The following SUCLG2 variants were observed in gnomAD, a reference collection of about 807,000 sequenced individuals.
SUCLG2 encodes succinate-CoA ligase GDP-forming subunit beta.
SUCLG2 carries 42 observed loss-of-function variants against 47.9 expected under a neutral mutation model. That is an observed-to-expected ratio of 0.88 (90% CI 0.69 to 1.14). The LOEUF (loss-of-function observed/expected upper bound fraction) is 1.14. Among genes scored for constraint, SUCLG2 ranks in the 50% most tolerant of loss-of-function variants. The probability of loss-of-function intolerance (pLI) is 0.00; values close to 1 mark genes in which losing one functional copy is unlikely to be tolerated. For synonymous variants in SUCLG2, 195 were observed against 197.3 expected, an observed-to-expected ratio of 0.99 and a Z score of 0.10; for missense variants, 571 against 525.9, an observed-to-expected ratio of 1.09 and a Z score of -0.84.
At chr3:67,587,620 T>G (rs1708057403) in intron 2 of SUCLG2, among the ~76,000 whole-genome samples, 1 of 152,216 alleles carries the variant, frequency 6.6e-6, no homozygotes, top group African/African-American at 2.4e-5. Flanking sequence ...TTACCACTTA[T>G]TTTTTGTGTT....
chr3:67,424,605 T>A (rs1703252024), intron 9 of SUCLG2, among the ~76,000 whole-genome samples: 2 of 152,202 alleles, frequency 1.3e-5, no homozygotes, highest in Non-Finnish European at 2.9e-5. Context: ...TGCCTCCTTT[T>A]CTTGGCTGTA....
intron 9 of SUCLG2, among the ~76,000 whole-genome samples, chr3:67,442,052 C>T (rs1019249804): frequency 6.7e-6 from 1 of 149,254 alleles, no homozygotes; most frequent in East Asian, 2.0e-4. Flanking sequence ...GCTCTGTCGC[C>T]CAGGCTGGAG....
At chr3:67,509,311 AAC>A (rs1333456622) in intron 6 of SUCLG2, among the ~76,000 whole-genome samples, 6 of 152,364 alleles carry the variant, frequency 3.9e-5, no homozygotes, top group Admixed American at 1.3e-4. Flanking sequence ...GCTGAAATAA[AAC>A]AGTTATTATA....
At chr3:67,379,814 T>G (rs1160503333) in intron 10 of SUCLG2, among the ~76,000 whole-genome samples, 1 of 152,244 alleles carries the variant, frequency 6.6e-6, no homozygotes, top group African/African-American at 2.4e-5. Flanking sequence ...CACCTCCCCA[T>G]GCCCCAACTA....
intron 9 of SUCLG2, among the ~76,000 whole-genome samples, chr3:67,461,402 A>G (rs2106958382): frequency 6.6e-6 from 1 of 152,290 alleles, no homozygotes; most frequent in African/African-American, 2.4e-5. Context: ...ATAAAATGTA[A>G]TTCGAATTCC....
intron 2 of SUCLG2, among the ~76,000 whole-genome samples, chr3:67,566,393 T>A (rs929591753): frequency 2.0e-5 from 3 of 152,186 alleles, no homozygotes. Flanking sequence ...ATATACCATG[T>A]TAATGTTAAA....
intron 2 of SUCLG2, among the ~76,000 whole-genome samples, chr3:67,575,539 C>T (rs1018193835): frequency 1.3e-5 from 2 of 152,100 alleles, no homozygotes; most frequent in African/African-American, 2.4e-5. Flanking sequence ...TGGCAATTAA[C>T]ATCAAACAGG....
At position 67,596,980 on chromosome 3, in the gene SUCLG2, A is replaced by G. The variant is rs899277868; in HGVS notation, c.226+12475T>C. 3.3e-5 allele frequency among the ~76,000 whole-genome samples: 5 copies of G among 152,340 alleles called. No individual in the cohort carries two copies. The East Asian group carries it at 9.7e-4, about 29-fold the overall frequency. On this transcript the variant is annotated intron_variant, in intron 2 of 10. Coordinates refer to ENST00000307227, the MANE Select transcript of SUCLG2 (RefSeq NM_003848.4). ...CTATAACTGAAAGTAGAGCTCATCAATGTAAACAGAACAAAAAGCCACTAT... is the reference window on the plus strand; with the variant it reads ...CTATAACTGAAAGTAGAGCTCATCAGTGTAAACAGAACAAAAAGCCACTAT...
intron 9 of SUCLG2, among the ~76,000 whole-genome samples, chr3:67,483,438 G>C (rs1445818436): frequency 6.6e-6 from 1 of 152,134 alleles, no homozygotes; most frequent in African/African-American, 2.4e-5. Flanking sequence ...GGTCTGCTTG[G>C]ACAAATCTAT....
At position 67,619,075 on chromosome 3, in the gene SUCLG2, A is replaced by C. The variant is rs115193904; in HGVS notation, c.85-9479T>G. On this transcript the variant is annotated intron_variant, in intron 1 of 10. Coordinates refer to ENST00000307227, the MANE Select transcript of SUCLG2 (RefSeq NM_003848.4). ...ATAAAATCATCTGTACTTCCAAAAA[A>C]GAATTGACAGTTGAGCTTTCAGATT... Among the ~76,000 whole-genome samples the C allele has an allele frequency of 4.2e-3, 641 of 152,368 alleles. 7 individuals are homozygous for C. The highest frequency in any genetic ancestry group is 0.014 in the African/African-American group (594 of 41,594).
At chr3:67,465,362 T>A (rs1704445351) in intron 9 of SUCLG2, among the ~76,000 whole-genome samples, 1 of 152,108 alleles carries the variant, frequency 6.6e-6, no homozygotes, top group South Asian at 2.1e-4. Flanking sequence ...TCTGAAACAC[T>A]CAGAGCTCTC....
chr3:67,503,255 C>T (rs1422272430), intron 7 of SUCLG2, among the ~76,000 whole-genome samples: 1 of 152,106 alleles, frequency 6.6e-6, no homozygotes, highest in African/African-American at 2.4e-5. Flanking sequence ...GATAGATACA[C>T]AGGTGTCATA....
At chr3:67,613,550 A>T (rs1196535692) in intron 1 of SUCLG2, among the ~76,000 whole-genome samples, 1 of 152,238 alleles carries the variant, frequency 6.6e-6, no homozygotes, top group Non-Finnish European at 1.5e-5. Context: ...GCAACATTCA[A>T]GATGGTAGCT....
intron 10 of SUCLG2, among the ~76,000 whole-genome samples, chr3:67,364,049 A>T (rs1701843452): frequency 6.6e-6 from 1 of 152,190 alleles, no homozygotes; most frequent in Non-Finnish European, 1.5e-5. Flanking sequence ...CTGTAGCCAA[A>T]GGACCAGGAA....
intron 9 of SUCLG2, among the ~76,000 whole-genome samples, chr3:67,463,127 A>C (rs1442587085): frequency 6.6e-6 from 1 of 152,236 alleles, no homozygotes; most frequent in Non-Finnish European, 1.5e-5. Flanking sequence ...GATTGCTTTA[A>C]TTAAAGAAAA....
chr3:67,528,103 T>C (rs775351639), intron 4 of SUCLG2, 29 bp downstream of exon 4: 4 of 1,590,990 alleles, frequency 2.5e-6, no homozygotes, highest in East Asian at 2.2e-5. Flanking sequence ...AACACATATA[T>C]AGAAAATGAC....
chr3:67,613,578 C>A (rs1447708266), intron 1 of SUCLG2, among the ~76,000 whole-genome samples: 1 of 152,124 alleles, frequency 6.6e-6, no homozygotes, highest in South Asian at 2.1e-4. Flanking sequence ...CAGCCAGGGA[C>A]CAGAATAAGG....
intron 9 of SUCLG2, among the ~76,000 whole-genome samples, chr3:67,440,242 A>G (rs187630790): frequency 6.6e-6 from 1 of 152,376 alleles, no homozygotes; most frequent in Admixed American, 6.5e-5. Context: ...AAGATGAATT[A>G]AAGTCTTAAA....
At chr3:67,415,458 A>G (rs930012409) in intron 9 of SUCLG2, among the ~76,000 whole-genome samples, 1 of 152,200 alleles carries the variant, frequency 6.6e-6, no homozygotes, top group African/African-American at 2.4e-5. Flanking sequence ...CCACGACCCT[A>G]TAAGGAAGGT....
Sources: gnomAD v4.1 joint callset for allele counts (sites outside exome capture counted in the v4.1 genomes callset) on GRCh38, gnomAD v4.1.1 for gene constraint, MANE v1.5 for transcripts, NCBI Gene and HGNC (gene_info 2026-07-23, HGNC 2026-07-21) for gene names.